Variants in KCND2 observed in about 807,000 individuals in gnomAD.
KCND2 encodes A-type voltage-gated potassium channel KCND2.
A neutral mutation model predicts 54.4 loss-of-function variants in KCND2; 16 were observed. The observed-to-expected ratio is 0.29, with a 90% CI of 0.20 to 0.45. The LOEUF (loss-of-function observed/expected upper bound fraction) is 0.45, where lower values mean the gene tolerates loss of function less well. Ranked by LOEUF, KCND2 falls within the 20% of genes least tolerant of loss-of-function variation. The pLI, the probability that KCND2 is intolerant of heterozygous loss-of-function variation, is 1.00. For missense variants in KCND2, 486 were observed against 824.2 expected (o/e 0.59, Z 5.02); for synonymous variants, 317 against 310.7 (o/e 1.02, Z -0.21).
intron 1 of KCND2, among the ~76,000 whole-genome samples, chr7:120,411,772 A>T (rs1801453608): frequency 6.6e-6 from 1 of 151,944 alleles, no homozygotes; most frequent in Non-Finnish European, 1.5e-5. Context: ...TATTTTACAG[A>T]TGAAGAAATT....
At chr7:120,299,637 A>T (rs1411408117) in intron 1 of KCND2, among the ~76,000 whole-genome samples, 1 of 152,200 alleles carries the variant, frequency 6.6e-6, no homozygotes, top group Non-Finnish European at 1.5e-5. Flanking sequence ...GGCTTCTTTC[A>T]TCAAGTTCTC....
intron 1 of KCND2, among the ~76,000 whole-genome samples, chr7:120,634,366 C>T (rs1793277687): frequency 6.6e-6 from 1 of 151,882 alleles, no homozygotes; most frequent in African/African-American, 2.4e-5. Flanking sequence ...GGAGGCTTAC[C>T]AACTGCTTAC....
At chr7:120,572,282 G>A (rs1000658830) in intron 1 of KCND2, among the ~76,000 whole-genome samples, 3 of 151,936 alleles carry the variant, frequency 2.0e-5, no homozygotes, top group East Asian at 1.9e-4. Flanking sequence ...TGTGAAAGAA[G>A]TGAATGTGTA....
intron 1 of KCND2, among the ~76,000 whole-genome samples, chr7:120,667,215 A>T (rs569294722): frequency 6.6e-6 from 1 of 152,212 alleles, no homozygotes; most frequent in East Asian, 1.9e-4. Flanking sequence ...ATGAAAACAT[A>T]GTATGGCTGC....
intron 1 of KCND2, among the ~76,000 whole-genome samples, chr7:120,371,857 T>C (rs964610717): frequency 1.3e-5 from 2 of 151,942 alleles, no homozygotes; most frequent in East Asian, 3.9e-4. Context: ...TGTTTGTGTA[T>C]GTACAGTACA....
At chr7:120,702,263 T>C (rs1456173526) in intron 1 of KCND2, among the ~76,000 whole-genome samples, 1 of 152,186 alleles carries the variant, frequency 6.6e-6, no homozygotes, top group Non-Finnish European at 1.5e-5. Flanking sequence ...CCATTCCGTA[T>C]GGCTATTACT....
chr7:120,313,266 TAAAC>T (rs936546113), intron 1 of KCND2, among the ~76,000 whole-genome samples: 4 of 152,296 alleles, frequency 2.6e-5, no homozygotes, highest in East Asian at 1.9e-4. Context: ...AAATTTATCT[TAAAC>T]AAATTGATTG....
intron 1 of KCND2, among the ~76,000 whole-genome samples, chr7:120,692,341 G>A (rs957857971): frequency 2.0e-5 from 3 of 152,162 alleles, no homozygotes; most frequent in Non-Finnish European, 4.4e-5. Flanking sequence ...CTTGACTGTG[G>A]TGCTTGGGGA....
chr7:120,724,019 T>C (rs1415246549), intron 1 of KCND2, among the ~76,000 whole-genome samples: 1 of 152,144 alleles, frequency 6.6e-6, no homozygotes, highest in Non-Finnish European at 1.5e-5. Flanking sequence ...ATAAGAAATC[T>C]GGTTCAGGAA....
At chr7:120,472,946 A>G (rs555949695) in intron 1 of KCND2, among the ~76,000 whole-genome samples, 36 of 152,350 alleles carry the variant, frequency 2.4e-4, no homozygotes, top group African/African-American at 7.5e-4. Flanking sequence ...AACAGAAACT[A>G]AAATAAAATT....
chr7:120,539,324 A>G (rs2116377584), intron 1 of KCND2, among the ~76,000 whole-genome samples: 1 of 152,340 alleles, frequency 6.6e-6, no homozygotes, highest in Non-Finnish European at 1.5e-5. Flanking sequence ...GGTTGCCAAA[A>G]GCTTTCAAAC....
intron 1 of KCND2, among the ~76,000 whole-genome samples, chr7:120,294,530 TATG>T (rs957714440): frequency 1.3e-5 from 2 of 151,898 alleles, no homozygotes; most frequent in South Asian, 2.1e-4. Context: ...TATAAAAAGT[TATG>T]ATTATGAAAT....
At chr7:120,596,383 T>C (rs1224169947) in intron 1 of KCND2, among the ~76,000 whole-genome samples, 1 of 152,184 alleles carries the variant, frequency 6.6e-6, no homozygotes. Context: ...ATGAGTTAAA[T>C]GTTAAGAATT....
Position 120,543,775 on chromosome 7 carries a change from T to TG in KCND2, c.1116-189125dup, listed in dbSNP as rs537130989. On this transcript the variant is annotated intron_variant, in intron 1 of 5. Coordinates refer to ENST00000331113, the MANE Select transcript of KCND2 (RefSeq NM_012281.3). Reference sequence around the variant, plus strand: ...TTAAGTAAGGAGTGCATTGTCCATATGGGCACCTACTCTGCAAAAAGTTTG... The same window carrying TG: ...TTAAGTAAGGAGTGCATTGTCCATATGGGGCACCTACTCTGCAAAAAGTTTG... Among the ~76,000 whole-genome samples the TG allele has an allele frequency of 5.7e-3, 873 of 152,124 alleles. 8 individuals are homozygous for TG. Among genetic ancestry groups the TG allele is most frequent in the Non-Finnish European group, 9.6e-3 (655 of 67,916 alleles).
At chr7:120,421,973 C>T (rs1461296525) in intron 1 of KCND2, among the ~76,000 whole-genome samples, 1 of 152,142 alleles carries the variant, frequency 6.6e-6, no homozygotes, top group East Asian at 1.9e-4. Flanking sequence ...TCAGTATAGA[C>T]CCAGCAGGAT....
chr7:120,673,910 T>TA (rs1166248629), intron 1 of KCND2, among the ~76,000 whole-genome samples: 3 of 107,596 alleles, frequency 2.8e-5, no homozygotes, highest in Admixed American at 2.6e-4. Flanking sequence ...CTTTTATTTA[T>TA]TTTTTTTTTT....
At chr7:120,437,573 G>A (rs967190850) in intron 1 of KCND2, among the ~76,000 whole-genome samples, 1 of 151,988 alleles carries the variant, frequency 6.6e-6, no homozygotes, top group African/African-American at 2.4e-5. Context: ...GATACTAAGT[G>A]CAGAATTAGC....
chr7:120,592,819 A>T (rs985798667), intron 1 of KCND2, among the ~76,000 whole-genome samples: 4 of 152,190 alleles, frequency 2.6e-5, no homozygotes, highest in Admixed American at 2.0e-4. Context: ...AAATTAAGAT[A>T]TACACTTAGA....
chr7:120,605,598 T>C (rs1310844384), intron 1 of KCND2, among the ~76,000 whole-genome samples: 1 of 152,202 alleles, frequency 6.6e-6, no homozygotes. Context: ...GTGGAACTGA[T>C]GGGCCATATG....
Sources: gnomAD v4.1 joint callset for allele counts (sites outside exome capture counted in the v4.1 genomes callset) on GRCh38, gnomAD v4.1.1 for gene constraint, MANE v1.5 for transcripts, NCBI Gene and HGNC (gene_info 2026-07-23, HGNC 2026-07-21) for gene names.